CHD9: variants seen among roughly 807,000 people sequenced by gnomAD.
CHD9 encodes the protein ATP-dependent chromatin remodeler CHD9.
In CHD9, 77 loss-of-function variants were observed where a neutral mutation model predicts 316.1. That is an observed-to-expected ratio of 0.24 (90% CI 0.20 to 0.29). The LOEUF is 0.29. Among genes scored for constraint, CHD9 ranks in the 10% least tolerant of loss-of-function variants. The pLI is 1.00. For synonymous variants in CHD9, 1,129 were observed against 1,158.3 expected (o/e 0.97, Z 0.51); for missense variants, 2,763 against 3,438.1 (o/e 0.80, Z 4.91).
intron 1 of CHD9, among the ~76,000 whole-genome samples, chr16:53,059,657 G>C (rs1319413583): frequency 2.0e-5 from 3 of 152,222 alleles, no homozygotes; most frequent in Non-Finnish European, 4.4e-5. Flanking sequence ...GGGGCAGCCA[G>C]GCCTCAATCT....
chr16:53,089,119 AAAAAAT>A (rs1436567808), intron 1 of CHD9, among the ~76,000 whole-genome samples: 2 of 148,554 alleles, frequency 1.3e-5, no homozygotes, highest in Non-Finnish European at 3.0e-5. Flanking sequence ...CTCAAAAAAA[AAAAAAT>A]AATAATAATA....
chr16:53,274,785 TGAG>T (rs1411993193), intron 24 of CHD9, among the ~76,000 whole-genome samples: 1 of 151,992 alleles, frequency 6.6e-6, no homozygotes, highest in Non-Finnish European at 1.5e-5. Flanking sequence ...AATAACATGA[TGAG>T]GCAAAAATTA....
chr16:53,255,098 C>T (rs1366774970), intron 18 of CHD9, among the ~76,000 whole-genome samples: 2 of 151,868 alleles, frequency 1.3e-5, no homozygotes, highest in African/African-American at 2.4e-5. Flanking sequence ...ATTGCTTGAG[C>T]CTAGGAGTTT....
At position 53,238,594 on chromosome 16, in the gene CHD9, A is replaced by G. The variant is rs1315652067; in HGVS notation, c.2877+8A>G. The G allele has an allele frequency of 6.2e-7, 1 of 1,610,758 alleles. No individual in the cohort carries two copies. The highest frequency in any genetic ancestry group is 8.5e-7 in the Non-Finnish European group (1 of 1,177,544). On this transcript the variant is annotated splice_region_variant and intron_variant, in intron 12 of 38. Coordinates refer to ENST00000447540, the MANE Select transcript of CHD9 (RefSeq NM_001308319.2). ...TACTTCAGGGATTCACAGGTGTGTT[A>G]TTGATTATTTTGTTTGTTGTTTGAA...
intron 20 of CHD9, 126 bp downstream of exon 20, chr16:53,263,223 G>T: frequency 1.6e-6 from 1 of 619,272 alleles, no homozygotes; most frequent in Non-Finnish European, 2.7e-6. Flanking sequence ...AATTGAAGTA[G>T]GGTAGCAGAA....
intron 1 of CHD9, among the ~76,000 whole-genome samples, chr16:53,153,652 C>G (rs971172739): frequency 5.3e-5 from 8 of 152,088 alleles, no homozygotes; most frequent in African/African-American, 1.9e-4. Flanking sequence ...CCTCAGCCCC[C>G]CAAATAGCTG....
At chr16:53,179,896 C>CAA (rs201107556) in intron 2 of CHD9, among the ~76,000 whole-genome samples, 2 of 113,216 alleles carry the variant, frequency 1.8e-5, no homozygotes, top group Non-Finnish European at 1.9e-5. Context: ...GACTTCATCT[C>CAA]AAAAAAAAAA....
chr16:53,313,440 G>A (rs985089652), intron 34 of CHD9, among the ~76,000 whole-genome samples: 3 of 151,964 alleles, frequency 2.0e-5, no homozygotes, highest in Admixed American at 6.6e-5. Context: ...CAAGTAGCTC[G>A]TATTACAGGT....
In CHD9 at chr16:53,304,534, T is replaced by C; in HGVS notation, c.6528T>C (p.Ser2176=). The C allele has an allele frequency of 6.5e-7, 1 of 1,546,720 alleles. No homozygotes were observed. The highest frequency in any genetic ancestry group is 8.8e-7 in the Non-Finnish European group (1 of 1,142,308). ...CTTCATCTTGTTCTTCAGCATCTTC[T>C]TCATCCTCTTCCTCCACCTCTTCCT... ...SSSSSCSSAS[S]SSSSSTSSSS... is the part of the protein sequence containing the mutation. The change falls in exon 31 of 39, where the codon TCT becomes TCC. Residue 2176 remains serine (S), a synonymous_variant. Transcript: ENST00000447540.
At chr16:53,311,548 A>C (rs1271942583) in intron 34 of CHD9, 1 of 152,252 alleles carries the variant, frequency 6.6e-6, no homozygotes, top group Non-Finnish European at 1.5e-5. Context: ...TATTATTAAA[A>C]TTCTTCATTT....
intron 23 of CHD9, 86 bp downstream of exon 23, chr16:53,273,871 T>C: frequency 1.6e-6 from 2 of 1,258,208 alleles, no homozygotes; most frequent in Non-Finnish European, 2.2e-6. Flanking sequence ...TGATTTTGAG[T>C]ACAGAGACAG....
chr16:53,163,527 A>C (rs1332701038), intron 2 of CHD9, among the ~76,000 whole-genome samples: 3 of 152,200 alleles, frequency 2.0e-5, no homozygotes, highest in African/African-American at 7.2e-5. Flanking sequence ...TTGAATTTTA[A>C]AGAAACAAAA....
chr16:53,132,660 G>C (rs1169317876), intron 1 of CHD9, among the ~76,000 whole-genome samples: 2 of 152,160 alleles, frequency 1.3e-5, no homozygotes, highest in Admixed American at 6.5e-5. Flanking sequence ...TAGAGATGCT[G>C]TGTTGTAACA....
chr16:53,213,161 G>A (rs1171132391), intron 3 of CHD9, among the ~76,000 whole-genome samples: 1 of 152,176 alleles, frequency 6.6e-6, no homozygotes, highest in Non-Finnish European at 1.5e-5. Flanking sequence ...ATTTTGACAT[G>A]ACCATGCCTC....
chr16:53,207,225 G>A (rs946697992), intron 2 of CHD9, among the ~76,000 whole-genome samples: 2 of 152,158 alleles, frequency 1.3e-5, no homozygotes, highest in East Asian at 1.9e-4. Flanking sequence ...TGATTTAAGG[G>A]CATTGCTTAC....
chr16:53,173,097 T>C (rs1310393121), intron 2 of CHD9, among the ~76,000 whole-genome samples: 1 of 152,206 alleles, frequency 6.6e-6, no homozygotes, highest in Non-Finnish European at 1.5e-5. Context: ...AGATTTTCTC[T>C]TATGTTTTCA....
rs1033536303 is a variant in CHD9 at position 53,096,922 on chromosome 16, G to T, written c.-165+41845G>T. Among the ~76,000 whole-genome samples the T allele has an allele frequency of 2.6e-5, 4 of 151,966 alleles. No homozygotes were observed. In the South Asian group the frequency reaches 8.3e-4, roughly 32 times the overall value. On this transcript the variant is annotated intron_variant, in intron 1 of 38. Coordinates refer to ENST00000447540, the MANE Select transcript of CHD9 (RefSeq NM_001308319.2). ...CTTTGTTCTTCTTATAAAGCCATCA[G>T]TCCCCACCCATTATAACCCATTAAT...
rs1021173579 is a variant in CHD9, at chr16:53,297,087, A to G, written c.5642A>G (p.Asp1881Gly). 6.2e-7 allele frequency: 1 copy of G among 1,613,866 alleles called. No homozygotes were observed. Among genetic ancestry groups the G allele is most frequent in the Non-Finnish European group, 8.5e-7 (1 of 1,179,832 alleles). The change falls in exon 30 of 39, where the codon GAT becomes GGT. Residue 1881 changes from aspartate to glycine, a missense_variant. Coordinates refer to ENST00000447540, the MANE Select transcript of CHD9 (RefSeq NM_001308319.2). ...GCTAGGCTACATAAGAAAACTGATGATAGTTTGGAAAAATATTTGTACGCA... is the reference window on the plus strand; with the variant it reads ...GCTAGGCTACATAAGAAAACTGATGGTAGTTTGGAAAAATATTTGTACGCA... The part of the protein sequence containing the change: ...AMARLHKKTD[D>G]SLEKYLYAFM...
At chr16:53,303,595 A>T (rs1355654181) in intron 30 of CHD9, 125 bp from the exon 31 acceptor site, 10 of 650,388 alleles carry the variant, frequency 1.5e-5, no homozygotes, top group African/African-American at 1.9e-5. Flanking sequence ...CTATACAGTG[A>T]TATTGCATGG....
Sources: gnomAD v4.1 joint callset for allele counts (sites outside exome capture counted in the v4.1 genomes callset) on GRCh38, gnomAD v4.1.1 for gene constraint, MANE v1.5 for transcripts, NCBI Gene and HGNC (gene_info 2026-07-23, HGNC 2026-07-21) for gene names.